The following SH3GL2 variants were observed in gnomAD, a reference collection of about 807,000 sequenced individuals.
SH3GL2 encodes endophilin-A1.
In SH3GL2, 24 loss-of-function variants were observed where a neutral mutation model predicts 46.0. That is an observed-to-expected ratio of 0.52 (90% CI 0.38 to 0.73). The LOEUF (loss-of-function observed/expected upper bound fraction) is 0.73. Ranked by LOEUF, SH3GL2 falls within the 30% of genes least tolerant of loss-of-function variation. The pLI is 0.00. For missense variants in SH3GL2, 413 were observed against 424.2 expected, an observed-to-expected ratio of 0.97 and a Z score of 0.23; for synonymous variants, 196 against 147.1, an observed-to-expected ratio of 1.33 and a Z score of -2.40.
At chr9:17,584,255 C>CTT (rs1818329656) in intron 1 of SH3GL2, among the ~76,000 whole-genome samples, 1 of 152,140 alleles carries the variant, frequency 6.6e-6, no homozygotes, top group Non-Finnish European at 1.5e-5. Flanking sequence ...AATCCCAACA[C>CTT]TTTGGGAGGC....
intron 1 of SH3GL2, among the ~76,000 whole-genome samples, chr9:17,629,938 C>T (rs891007002): frequency 6.6e-6 from 1 of 152,110 alleles, no homozygotes; most frequent in African/African-American, 2.4e-5. Context: ...TCCCAGGCCA[C>T]CTGTAATGGA....
intron 2 of SH3GL2, among the ~76,000 whole-genome samples, chr9:17,756,933 T>G (rs200543316): frequency 1.1e-4 from 17 of 152,200 alleles, no homozygotes; most frequent in South Asian, 2.1e-4. Flanking sequence ...CCAGTTTACA[T>G]TCCCACCAAC....
intron 1 of SH3GL2, among the ~76,000 whole-genome samples, chr9:17,672,947 TCTC>T (rs1293403388): frequency 6.6e-6 from 1 of 152,114 alleles, no homozygotes; most frequent in African/African-American, 2.4e-5. Flanking sequence ...TTAGCTGTCT[TCTC>T]CTCCAGAGAA....
intron 1 of SH3GL2, among the ~76,000 whole-genome samples, chr9:17,606,775 T>C (rs1250710740): frequency 6.6e-6 from 1 of 152,202 alleles, no homozygotes; most frequent in African/African-American, 2.4e-5. Flanking sequence ...TTCCATATCC[T>C]GCAGTGCTGA....
rs998857227 is a variant in SH3GL2, at chr9:17,666,328, G to A, written c.46-80738G>A. On this transcript the variant is annotated intron_variant, in intron 1 of 8. Transcript: ENST00000380607. ...GTTGATTTTATTTATTTGGATATAT[G>A]AAACAGTATGGTTTCAAAAATGAAA... 3.6e-4 allele frequency among the ~76,000 whole-genome samples: 55 copies of A among 151,896 alleles called. 3 individuals carry two copies.
chr9:17,628,408 TTGGGTGTG>T (rs1554631831), intron 1 of SH3GL2, among the ~76,000 whole-genome samples: 1 of 125,046 alleles, frequency 8.0e-6, no homozygotes, highest in East Asian at 2.5e-4. Flanking sequence ...TAACTATATC[TTGGGTGTG>T]TGTGTGTGTG....
intron 1 of SH3GL2, among the ~76,000 whole-genome samples, chr9:17,732,829 A>C (rs573576957): frequency 1.3e-5 from 2 of 152,170 alleles, no homozygotes; most frequent in South Asian, 2.1e-4. Context: ...AAATTTTAAA[A>C]AATTTAAAAG....
At chr9:17,738,569 T>TATACATATGTGTGTGTATATATACATAC (rs1563833753) in intron 1 of SH3GL2, among the ~76,000 whole-genome samples, 1 of 88,070 alleles carries the variant, frequency 1.1e-5, no homozygotes, top group Non-Finnish European at 2.4e-5. Flanking sequence ...TACATACATA[T>TATACATATGTGTGTGTATATATACATAC]ATATATAGAG....
At chr9:17,723,965 C>T (rs1022443969) in intron 1 of SH3GL2, among the ~76,000 whole-genome samples, 1 of 151,978 alleles carries the variant, frequency 6.6e-6, no homozygotes, top group African/African-American at 2.4e-5. Flanking sequence ...TGGTGTGGTT[C>T]TCTTTGAGTT....
intron 1 of SH3GL2, among the ~76,000 whole-genome samples, chr9:17,666,234 T>C (rs1223534489): frequency 6.6e-6 from 1 of 152,008 alleles, no homozygotes; most frequent in Non-Finnish European, 1.5e-5. Flanking sequence ...TACTGTGTTC[T>C]TTATTTGAAA....
Position 17,595,072 on chromosome 9 carries a change from C to G in SH3GL2, c.45+15785C>G, listed in dbSNP as rs568182878. ...AACTCATTTATTACTCACAGCAACC[C>G]TATGAACATTATTATCCCCATTTTA... On this transcript the variant is annotated intron_variant, in intron 1 of 8. Transcript: ENST00000380607. Among the ~76,000 whole-genome samples, 20 of 152,260 alleles carry G rather than the reference C, an allele frequency of 1.3e-4. No homozygotes were observed. In the East Asian group the frequency reaches 3.7e-3, roughly 28 times the overall value.
chr9:17,784,565 T>A (rs773837354), intron 3 of SH3GL2, among the ~76,000 whole-genome samples: 8 of 152,200 alleles, frequency 5.3e-5, no homozygotes, highest in Non-Finnish European at 1.2e-4. Flanking sequence ...ATATCAGCCA[T>A]GATAATATTT....
chr9:17,645,182 T>TTTTTTTTTTTTTTTTTTTTTTTA lies in SH3GL2; in HGVS notation c.45+65895_45+65896insTTTTTTTTTTTTTTTTTTTTTTA, dbSNP rs1819781790. On this transcript the variant is annotated intron_variant, in intron 1 of 8. Coordinates refer to ENST00000380607, the MANE Select transcript of SH3GL2 (RefSeq NM_003026.5). ...TTTTTTTTTTTTTTTTTTTTTTTTTTGCTTTCCATTGCTTGGTAAATCTTC... is the reference window on the plus strand; with the variant it reads ...TTTTTTTTTTTTTTTTTTTTTTTTTTTTTTTTTTTTTTTTTTTTTTTTAGCTTTCCATTGCTTGGTAAATCTTC... Among the ~76,000 whole-genome samples the TTTTTTTTTTTTTTTTTTTTTTTA allele has an allele frequency of 2.3e-4, 17 of 72,762 alleles. 1 individual carries two copies. Among genetic ancestry groups the TTTTTTTTTTTTTTTTTTTTTTTA allele is most frequent in the South Asian group, 5.7e-4 (1 of 1,768 alleles). The allele number at this position is 72,762 out of a possible 152,430, so 47.7% of individuals were successfully genotyped here.
intron 1 of SH3GL2, among the ~76,000 whole-genome samples, chr9:17,630,706 C>A (rs920492156): frequency 2.0e-5 from 3 of 152,206 alleles, no homozygotes; most frequent in Admixed American, 6.5e-5. Flanking sequence ...TTACTGCTAC[C>A]TAACAGTTAT....
intron 3 of SH3GL2, among the ~76,000 whole-genome samples, chr9:17,765,336 C>T (rs1013439344): frequency 6.8e-6 from 1 of 147,920 alleles, no homozygotes; most frequent in African/African-American, 2.5e-5. Context: ...GATTACTGCT[C>T]CTGGGTGCTT....
intron 1 of SH3GL2, among the ~76,000 whole-genome samples, chr9:17,649,454 G>T (rs1264069794): frequency 1.3e-5 from 2 of 152,076 alleles, no homozygotes; most frequent in African/African-American, 4.8e-5. Flanking sequence ...ATTCTGATTT[G>T]GTTGGATCTC....
In SH3GL2 at chr9:17,618,833, A is replaced by C. The variant is rs757129832; in HGVS notation, c.45+39546A>C. ...TGTGTGTGTGGTTTAAGGAGTTGAA[A>C]GTTTAATAGAAGAAAGGAGAGAGGA... On this transcript the variant is annotated intron_variant, in intron 1 of 8. Coordinates refer to ENST00000380607, the MANE Select transcript of SH3GL2 (RefSeq NM_003026.5). Among the ~76,000 whole-genome samples the C allele has an allele frequency of 2.1e-4, 32 of 151,616 alleles. 1 individual carries two copies. The highest frequency in any genetic ancestry group is 3.4e-3 in the Middle Eastern group (1 of 294).
At chr9:17,756,776 C>G (rs1588305985) in intron 2 of SH3GL2, among the ~76,000 whole-genome samples, 1 of 152,158 alleles carries the variant, frequency 6.6e-6, no homozygotes, top group East Asian at 1.9e-4. Flanking sequence ...AATAGTGCCG[C>G]AATAAACATA....
intron 3 of SH3GL2, among the ~76,000 whole-genome samples, chr9:17,766,426 G>A (rs1443373585): frequency 6.6e-6 from 1 of 152,176 alleles, no homozygotes; most frequent in East Asian, 1.9e-4. Flanking sequence ...TACGATATTT[G>A]TGAGCAAAAA....
Sources: gnomAD v4.1 joint callset for allele counts (sites outside exome capture counted in the v4.1 genomes callset) on GRCh38, gnomAD v4.1.1 for gene constraint, MANE v1.5 for transcripts, NCBI Gene and HGNC (gene_info 2026-07-23, HGNC 2026-07-21) for gene names.